PLEKHA5: variants seen among roughly 807,000 people sequenced by gnomAD.
PLEKHA5 encodes the protein pleckstrin homology domain-containing family A member 5.
In PLEKHA5, 55 loss-of-function variants were observed where a neutral mutation model predicts 181.9. The ratio of observed to expected loss-of-function variants is 0.30; its 90% CI spans 0.24 to 0.38. PLEKHA5 has a LOEUF of 0.38. PLEKHA5 is among the 10% of genes least tolerant of loss of function. The pLI is 1.00. For synonymous variants in PLEKHA5, 535 were observed against 529.4 expected (o/e 1.01, Z -0.15); for missense variants, 1,432 against 1,549.5 (o/e 0.92, Z 1.27).
chr12:19,170,730 T>C (rs1467881879), intron 3 of PLEKHA5, among the ~76,000 whole-genome samples: 2 of 152,232 alleles, frequency 1.3e-5, no homozygotes, highest in African/African-American at 4.8e-5. Flanking sequence ...TCTAATAATT[T>C]TATATTTAAC....
At chr12:19,366,602 G>A (rs531101862) in intron 30 of PLEKHA5, among the ~76,000 whole-genome samples, 5 of 152,162 alleles carry the variant, frequency 3.3e-5, no homozygotes, top group East Asian at 1.9e-4. Context: ...GCAGTGAGCC[G>A]AGATCGTGCC....
At chr12:19,343,974 C>G (rs1171020239) in intron 22 of PLEKHA5, among the ~76,000 whole-genome samples, 1 of 151,780 alleles carries the variant, frequency 6.6e-6, no homozygotes, top group African/African-American at 2.4e-5. Flanking sequence ...ATCGCTTGAA[C>G]CCGGGAGGTG....
intron 3 of PLEKHA5, 55 bp from the exon 4 acceptor site, chr12:19,253,879 AATAAAT>A: frequency 1.0e-6 from 1 of 989,498 alleles, no homozygotes; most frequent in Admixed American, 2.1e-5. Flanking sequence ...CTAATGTTAC[AATAAAT>A]AAATGGGAAT....
At chr12:19,180,622 CTAAT>C (rs2048316496) in intron 3 of PLEKHA5, among the ~76,000 whole-genome samples, 1 of 151,960 alleles carries the variant, frequency 6.6e-6, no homozygotes, top group African/African-American at 2.4e-5. Flanking sequence ...AATATGATGA[CTAAT>C]TATTTGGCCA....
intron 3 of PLEKHA5, among the ~76,000 whole-genome samples, chr12:19,141,583 T>G (rs576217088): frequency 6.6e-6 from 1 of 152,358 alleles, no homozygotes; most frequent in Non-Finnish European, 1.5e-5. Context: ...CCAGTGATAT[T>G]CAGGGAAGCT....
At chr12:19,313,088 C>A (rs150991850) in intron 15 of PLEKHA5, among the ~76,000 whole-genome samples, 244 of 152,192 alleles carry the variant, frequency 1.6e-3, no homozygotes, top group Admixed American at 3.1e-3. Context: ...TTATCGATTT[C>A]ATCATCTCTT....
intron 3 of PLEKHA5, among the ~76,000 whole-genome samples, chr12:19,213,003 A>G (rs972669709): frequency 2.6e-5 from 4 of 152,104 alleles, no homozygotes; most frequent in Non-Finnish European, 4.4e-5. Flanking sequence ...ACAACTCCTA[A>G]TCTACCACAT....
chr12:19,301,156 T>C (rs947429343), intron 15 of PLEKHA5, among the ~76,000 whole-genome samples: 2 of 151,892 alleles, frequency 1.3e-5, no homozygotes, highest in Non-Finnish European at 2.9e-5. Flanking sequence ...GTCTCAAAAA[T>C]AAAATAAAAT....
chr12:19,294,160 G>A (rs2152864589), intron 15 of PLEKHA5, among the ~76,000 whole-genome samples: 1 of 152,170 alleles, frequency 6.6e-6, no homozygotes, highest in South Asian at 2.1e-4. Context: ...AAAACATGGT[G>A]GAGACTGCCC....
At chr12:19,269,198 G>T (rs549070884) in intron 8 of PLEKHA5, among the ~76,000 whole-genome samples, 1 of 152,056 alleles carries the variant, frequency 6.6e-6, no homozygotes, top group South Asian at 2.1e-4. Flanking sequence ...GACCAGCCTG[G>T]CCAACATGGC....
At chr12:19,280,820 C>T (rs370507001) in intron 11 of PLEKHA5, among the ~76,000 whole-genome samples, 159 of 151,736 alleles carry the variant, frequency 1.0e-3, no homozygotes, top group Non-Finnish European at 1.6e-3. Flanking sequence ...AAGTGATTCT[C>T]CTGCCTCAGC....
chr12:19,310,594 A>G (rs1309602444), intron 15 of PLEKHA5, among the ~76,000 whole-genome samples: 1 of 132,502 alleles, frequency 7.5e-6, no homozygotes, highest in East Asian at 2.2e-4. Flanking sequence ...TGTGTGACAG[A>G]GCGAGACTCC....
At position 19,305,882 on chromosome 12, in the gene PLEKHA5, A is replaced by AAAAC. The variant is rs1179958342; in HGVS notation, c.2038-8930_2038-8929insACAA. 6.0e-5 allele frequency among the ~76,000 whole-genome samples: 9 copies of AAAAC among 149,396 alleles called. 1 individual carries two copies. The East Asian group carries it at 1.2e-3, about 20-fold the overall frequency. ...ATCTCAAAAAAAAAAAAAAAAAAAA[A>AAAAC]AACAACTATGAAGACTGGGCGCGGT... On this transcript the variant is annotated intron_variant, in intron 15 of 31. Coordinates refer to ENST00000429027, the MANE Select transcript of PLEKHA5 (RefSeq NM_001256470.2).
intron 22 of PLEKHA5, among the ~76,000 whole-genome samples, chr12:19,343,736 G>T (rs1379592447): frequency 1.3e-5 from 2 of 152,098 alleles, no homozygotes. Flanking sequence ...TCTGACATGA[G>T]GGCAACAACT....
chr12:19,194,750 G>C (rs781656063), intron 3 of PLEKHA5, among the ~76,000 whole-genome samples: 9 of 152,114 alleles, frequency 5.9e-5, no homozygotes, highest in Non-Finnish European at 1.3e-4. Flanking sequence ...GTATGAACAA[G>C]GACAAGTGCT....
chr12:19,188,025 T>C (rs1253766273), intron 3 of PLEKHA5, among the ~76,000 whole-genome samples: 1 of 152,156 alleles, frequency 6.6e-6, no homozygotes, highest in Admixed American at 6.5e-5. Context: ...CTTCAAGCAA[T>C]GAAAACCATT....
intron 3 of PLEKHA5, among the ~76,000 whole-genome samples, chr12:19,187,694 T>C (rs1475307665): frequency 1.3e-5 from 2 of 152,288 alleles, no homozygotes; most frequent in Admixed American, 6.5e-5. Context: ...ATAAGTTCTG[T>C]ATTCCTATCT....
chr12:19,260,895 A>C, intron 6 of PLEKHA5, 54 bp from the exon 7 acceptor site: 1 of 991,228 alleles, frequency 1.0e-6, no homozygotes, highest in Non-Finnish European at 1.5e-6. Context: ...ATAAATGCAC[A>C]TGTGAGTTTT....
At chr12:19,363,637 G>A (rs34302475) in intron 29 of PLEKHA5, among the ~76,000 whole-genome samples, 15,285 of 151,496 alleles carry the variant, frequency 0.1, 804 homozygotes, top group Middle Eastern at 0.12. Flanking sequence ...GATTACAAGC[G>A]TGTGCCACCA....
Sources: gnomAD v4.1 joint callset for allele counts (sites outside exome capture counted in the v4.1 genomes callset) on GRCh38, gnomAD v4.1.1 for gene constraint, MANE v1.5 for transcripts, NCBI Gene and HGNC (gene_info 2026-07-23, HGNC 2026-07-21) for gene names.